RYR3: variants seen among roughly 807,000 people sequenced by gnomAD.
RYR3 encodes ryanodine receptor 3.
Under a neutral mutation model 584.3 loss-of-function variants are expected in RYR3, and 207 were observed. The ratio of observed to expected loss-of-function variants is 0.35; its 90% CI spans 0.32 to 0.40. The LOEUF is 0.40. Ranked by LOEUF, RYR3 falls within the 10% of genes least tolerant of loss-of-function variation. RYR3 has a pLI of 1.00. For missense variants in RYR3, 5,616 were observed against 6,089.2 expected, an observed-to-expected ratio of 0.92 and a Z score of 2.59; for synonymous variants, 2,416 against 2,248.5, an observed-to-expected ratio of 1.07 and a Z score of -2.11.
Position 33,865,440 on chromosome 15 carries a change from A to AG in RYR3, c.*215dup, listed in dbSNP as rs554792162. On this transcript the variant is annotated 3_prime_UTR_variant, in exon 104 of 104. Transcript: ENST00000634891. Reference sequence around the variant, plus strand: ...GGGAGAGAACCTGTCAAAATGTCGAAGAAGGAAGGCGAAGAATCAAGTAAT... The same window carrying AG: ...GGGAGAGAACCTGTCAAAATGTCGAAGGAAGGAAGGCGAAGAATCAAGTAAT... 177 of 499,770 alleles carry AG rather than the reference A, an allele frequency of 3.5e-4. 1 individual carries two copies. The highest frequency in any genetic ancestry group is 2.9e-3 in the African/African-American group (149 of 52,184). 31.0% of individuals were successfully genotyped at this position (499,770 alleles called of 1,614,324 possible). A position where few individuals can be genotyped will look rare whatever the true frequency, so the allele number is the denominator to read the frequency against.
intron 36 of RYR3, among the ~76,000 whole-genome samples, chr15:33,668,122 C>G (rs890287573): frequency 6.9e-6 from 1 of 144,796 alleles, no homozygotes; most frequent in African/African-American, 2.5e-5. Flanking sequence ...TGGCATGAAA[C>G]CCCCTCTCTA....
rs139960536 is a variant in RYR3, at chr15:33,570,123, G to T, written c.1268+3324G>T. Among the ~76,000 whole-genome samples the T allele has an allele frequency of 2.4e-3, 357 of 151,890 alleles. 4 individuals carry two copies. Among genetic ancestry groups the T allele is most frequent in the Non-Finnish European group, 2.5e-3 (168 of 67,916 alleles). Reference sequence around the variant, plus strand: ...AACATATTTATGGATTCTGCTTTTGGTGTCATATCTAAGAACTCTTTACCT... The same window carrying T: ...AACATATTTATGGATTCTGCTTTTGTTGTCATATCTAAGAACTCTTTACCT... On this transcript the variant is annotated intron_variant, in intron 12 of 103. Transcript: ENST00000634891.
At chr15:33,724,253 C>T in intron 45 of RYR3, 77 bp downstream of exon 45, 1 of 780,026 alleles carries the variant, frequency 1.3e-6, no homozygotes, top group Non-Finnish European at 2.1e-6. Context: ...AACCTCATTT[C>T]TTCCTCTGTC....
At chr15:33,365,614 A>G (rs769408153) in intron 1 of RYR3, among the ~76,000 whole-genome samples, 30 of 152,254 alleles carry the variant, frequency 2.0e-4, no homozygotes, top group African/African-American at 2.7e-4. Context: ...TTAATCTACT[A>G]TACAGCACAG....
rs2067115519 is a variant in RYR3 at position 33,711,456 on chromosome 15, G to A, written c.6619+4402G>A. Among the ~76,000 whole-genome samples, 4 of 151,908 alleles carry A rather than the reference G, an allele frequency of 2.6e-5. No individual in the cohort carries two copies. The South Asian group carries it at 8.3e-4, about 32-fold the overall frequency. The stretch of plus-strand genomic sequence containing the variant: ...GATGGGGTTTCACCGTGTTAGCCAG[G>A]ATGGTCTCAATCTCCTGACTTCGTG... On this transcript the variant is annotated intron_variant, in intron 43 of 103. Transcript: ENST00000634891.
intron 1 of RYR3, among the ~76,000 whole-genome samples, chr15:33,377,436 C>G (rs1008958529): frequency 6.6e-6 from 1 of 152,180 alleles, no homozygotes; most frequent in African/African-American, 2.4e-5. Flanking sequence ...TATGACCACT[C>G]ATATCTAACC....
intron 72 of RYR3, among the ~76,000 whole-genome samples, chr15:33,811,766 T>C (rs1169313421): frequency 6.6e-6 from 1 of 152,188 alleles, no homozygotes; most frequent in Non-Finnish European, 1.5e-5. Flanking sequence ...GGGGAAGTTT[T>C]AGCACTTCCT....
intron 74 of RYR3, chr15:33,815,912 C>A: frequency 2.5e-6 from 1 of 398,596 alleles, no homozygotes; most frequent in Non-Finnish European, 4.4e-6. Flanking sequence ...CTCAGTATGA[C>A]AGGCTTATAC....
chr15:33,813,418 C>T, intron 73 of RYR3, 49 bp from the exon 74 acceptor site: 2 of 1,504,132 alleles, frequency 1.3e-6, no homozygotes, highest in Non-Finnish European at 1.8e-6. Flanking sequence ...TAGCTTCTGC[C>T]ACCAGAAGAT....
At chr15:33,486,189 T>G (rs143250289) in intron 2 of RYR3, among the ~76,000 whole-genome samples, 1 of 152,130 alleles carries the variant, frequency 6.6e-6, no homozygotes, top group Admixed American at 6.5e-5. Flanking sequence ...ATTACCACAA[T>G]CTAGATGGCT....
At chr15:33,671,805 C>CTTTTTTTTTTT (rs56206846) in intron 38 of RYR3, among the ~76,000 whole-genome samples, 30 of 80,294 alleles carry the variant, frequency 3.7e-4, no homozygotes, top group South Asian at 1.5e-3. Flanking sequence ...CCTTCTTTTT[C>CTTTTTTTTTTT]TTTTTTTTTT....
intron 1 of RYR3, among the ~76,000 whole-genome samples, chr15:33,372,142 A>T (rs1314845473): frequency 6.6e-6 from 1 of 152,136 alleles, no homozygotes; most frequent in Admixed American, 6.5e-5. Context: ...AGATAGGATT[A>T]CTATTCCCAA....
chr15:33,723,898 A>G (rs1192968674), intron 44 of RYR3, among the ~76,000 whole-genome samples, 167 bp from the exon 45 acceptor site: 1 of 152,218 alleles, frequency 6.6e-6, no homozygotes, highest in African/African-American at 2.4e-5. Flanking sequence ...CCTTGAGCTT[A>G]ATGAATGAAA....
chr15:33,741,707 G>A (rs1023552348), intron 51 of RYR3, among the ~76,000 whole-genome samples: 42 of 152,228 alleles, frequency 2.8e-4, no homozygotes, highest in African/African-American at 9.6e-4. Flanking sequence ...TCCACCTCCT[G>A]GGTTCACGTC....
chr15:33,562,710 C>A (rs2152483969), intron 10 of RYR3, 127 bp from the exon 11 acceptor site: 2 of 645,764 alleles, frequency 3.1e-6, no homozygotes, highest in Non-Finnish European at 5.4e-6. Flanking sequence ...CTTGGACAGG[C>A]ACATCATGAT....
chr15:33,634,460 G>A (rs904439778), intron 24 of RYR3, 126 bp from the exon 25 acceptor site: 2 of 796,918 alleles, frequency 2.5e-6, no homozygotes, highest in African/African-American at 1.7e-5. Context: ...TGAAGGCACT[G>A]AGGGAAGGGC....
intron 68 of RYR3, 54 bp downstream of exon 68, chr15:33,800,911 T>A: frequency 7.9e-7 from 1 of 1,264,446 alleles, no homozygotes; most frequent in Non-Finnish European, 1.2e-6. Context: ...CTGCAGACCG[T>A]GGAAAACTGT....
chr15:33,662,232 G>A lies in RYR3; in HGVS notation c.4702G>A (p.Val1568Met), dbSNP rs1282040806. The A allele has an allele frequency of 1.1e-5, 18 of 1,609,148 alleles. No homozygotes were observed. The highest frequency in any genetic ancestry group is 3.4e-5 in the Admixed American group (2 of 59,358). The change falls in exon 35 of 104, where the codon GTG (valine) becomes ATG (methionine). Residue 1568 changes from valine to methionine, a missense_variant. Transcript: ENST00000634891. ...HYHTLRLYSA[V>M]CALGNSRVAY... is the part of the protein sequence containing the mutation. ...CCACACGCTGAGGCTCTACAGCGCG[G>A]TGTGCGCCCTGGGAAACAGCCGCGT...
rs763104792 is a variant in RYR3, at chr15:33,854,856, A to G, written c.13951A>G (p.Met4651Val). ...FFAAHLLDIA[M>V]GFKTLRTILS... ...TGCTGCTCACCTATTGGACATCGCA[A>G]TGGGCTTCAAGACACTGAGGACCAT... The change falls in exon 98 of 104, where the codon ATG becomes GTG. Residue 4651 changes from methionine to valine, a missense_variant. Physicochemically the swap from Met to Val is conservative, Grantham distance 21. Transcript: ENST00000634891. 2.5e-6 allele frequency: 4 copies of G among 1,613,818 alleles called. No homozygotes were observed. Among genetic ancestry groups the G allele is most frequent in the South Asian group, 1.1e-5 (1 of 91,052 alleles).
Sources: gnomAD v4.1 joint callset for allele counts (sites outside exome capture counted in the v4.1 genomes callset) on GRCh38, gnomAD v4.1.1 for gene constraint, MANE v1.5 for transcripts, NCBI Gene and HGNC (gene_info 2026-07-23, HGNC 2026-07-21) for gene names.